The following AFG2B variants were observed in gnomAD, a reference collection of about 807,000 sequenced individuals.
The protein encoded by AFG2B is AAA ATPase AFG2B.
the AFG2B span, among the ~76,000 whole-genome samples, chr15:45,420,206 C>G: frequency 6.6e-6 from 1 of 152,030 alleles, no homozygotes; most frequent in Admixed American, 6.6e-5. Flanking sequence ...TATGAATATT[C>G]TACATTTGTT....
chr15:45,403,102 G>T, the AFG2B span: 2 of 1,520,144 alleles, frequency 1.3e-6, no homozygotes, highest in Admixed American at 2.0e-5. Flanking sequence ...CTACCCGCGC[G>T]CCCTGACCGC....
chr15:45,407,050 CCT>C, the AFG2B span: 1 of 1,289,224 alleles, frequency 7.8e-7, no homozygotes, highest in Non-Finnish European at 1.0e-6. Context: ...ACCATAAGCA[CCT>C]CTCACTTAGG....
chr15:45,405,568 G>A, the AFG2B span: 3 of 1,523,072 alleles, frequency 2.0e-6, no homozygotes, highest in Admixed American at 5.9e-5. Context: ...TAATTTGGGG[G>A]TTAAAAAAAA....
chr15:45,415,730 T>C, the AFG2B span: 1 of 1,614,070 alleles, frequency 6.2e-7, no homozygotes, highest in South Asian at 1.1e-5. Flanking sequence ...AATTAGATGG[T>C]GTTGGACTTA....
the AFG2B span, chr15:45,403,437 C>T: frequency 3.7e-6 from 6 of 1,609,190 alleles, no homozygotes; most frequent in Middle Eastern, 3.3e-4. Flanking sequence ...GTGGGGACCG[C>T]GAGGTCGTGG....
the AFG2B span, chr15:45,402,830 C>G: frequency 6.3e-7 from 1 of 1,597,548 alleles, no homozygotes; most frequent in African/African-American, 1.3e-5. Context: ...GTGCTGGAGG[C>G]GGCACAGGAG....
the AFG2B span, chr15:45,415,783 A>C: frequency 6.2e-7 from 1 of 1,612,874 alleles, no homozygotes; most frequent in Non-Finnish European, 8.5e-7. Flanking sequence ...CAACAGGGTA[A>C]ATACAAGGAG....
chr15:45,407,228 T>C, the AFG2B span: 2 of 1,197,798 alleles, frequency 1.7e-6, no homozygotes, highest in South Asian at 3.1e-5. Flanking sequence ...GGGAAGGTAC[T>C]GGCTCCATCT....
At chr15:45,418,616 CT>C in the AFG2B span, 1 of 1,613,930 alleles carries the variant, frequency 6.2e-7, no homozygotes, top group African/African-American at 1.3e-5. Flanking sequence ...CTGATGTCTC[CT>C]TAGAAAACCT....
At chr15:45,407,635 G>C in the AFG2B span, among the ~76,000 whole-genome samples, 1 of 152,134 alleles carries the variant, frequency 6.6e-6, no homozygotes, top group Non-Finnish European at 1.5e-5. Context: ...ACTTTCCAGA[G>C]ATGACAATTG....
chr15:45,412,547 A>C, the AFG2B span, among the ~76,000 whole-genome samples: 7 of 152,218 alleles, frequency 4.6e-5, no homozygotes, highest in African/African-American at 1.7e-4. Flanking sequence ...TGTAGACCAT[A>C]TGTAAATTAG....
the AFG2B span, among the ~76,000 whole-genome samples, chr15:45,409,176 G>A: frequency 6.6e-6 from 1 of 152,046 alleles, no homozygotes. Flanking sequence ...AGGAGTTCAA[G>A]ACCAGCCTGG....
the AFG2B span, chr15:45,403,401 G>A: frequency 3.1e-6 from 5 of 1,610,574 alleles, no homozygotes; most frequent in South Asian, 3.3e-5. Context: ...TAGTGGCCCA[G>A]GTGTTGACGC....
chr15:45,418,170 C>A, the AFG2B span, among the ~76,000 whole-genome samples: 11 of 151,570 alleles, frequency 7.3e-5, no homozygotes, highest in Admixed American at 2.0e-4. Flanking sequence ...ATGGTGAAAC[C>A]CCATCTCTAC....
At chr15:45,404,921 G>A in the AFG2B span, among the ~76,000 whole-genome samples, 6 of 151,318 alleles carry the variant, frequency 4.0e-5, no homozygotes, top group Non-Finnish European at 5.9e-5. Flanking sequence ...ACATAATTGT[G>A]CATGTTTTGG....
chr15:45,403,257 G>A, the AFG2B span: 2 of 1,585,272 alleles, frequency 1.3e-6, no homozygotes, highest in Non-Finnish European at 1.7e-6. Flanking sequence ...CCCGGCCTGG[G>A]GAGACCGAGG....
At chr15:45,408,111 G>A in the AFG2B span, among the ~76,000 whole-genome samples, 3 of 152,200 alleles carry the variant, frequency 2.0e-5, no homozygotes, top group Non-Finnish European at 4.4e-5. Context: ...AACAGTCCAA[G>A]AGAAAATGGG....
the AFG2B span, among the ~76,000 whole-genome samples, chr15:45,405,092 T>C: frequency 6.6e-6 from 1 of 152,198 alleles, no homozygotes; most frequent in African/African-American, 2.4e-5. Context: ...AAATTATTGT[T>C]AACTATAGTC....
the AFG2B span, chr15:45,420,960 C>T: frequency 1.4e-6 from 2 of 1,444,504 alleles, no homozygotes; most frequent in South Asian, 2.6e-5. Context: ...CCACTGCACT[C>T]CAGCCTGGGC....
Sources: allele counts gnomAD v4.1 joint callset (sites outside exome capture counted in the v4.1 genomes callset), GRCh38; gene constraint gnomAD v4.1.1; transcripts MANE v1.5; gene names NCBI Gene and HGNC (gene_info 2026-07-23, HGNC 2026-07-21).